KCNJ6: variants seen among roughly 807,000 people sequenced by gnomAD.
The protein encoded by KCNJ6 is potassium inwardly rectifying channel subfamily J member 6, also known as G protein-activated inward rectifier potassium channel 2.
In KCNJ6, 9 loss-of-function variants were observed where a neutral mutation model predicts 34.2. The observed-to-expected ratio is 0.26, with a 90% confidence interval of 0.16 to 0.46. The LOEUF is 0.46. Among genes scored for constraint, KCNJ6 ranks in the 20% least tolerant of loss-of-function variants. The probability of loss-of-function intolerance (pLI) is 1.00; values close to 1 mark genes in which losing one functional copy is unlikely to be tolerated. For synonymous variants in KCNJ6, 196 were observed against 207.1 expected, an observed-to-expected ratio of 0.95 and a Z score of 0.46; for missense variants, 236 against 531.3, an observed-to-expected ratio of 0.44 and a Z score of 5.46.
chr21:37,622,867 A>G lies in KCNJ6; in HGVS notation c.*2292T>C, dbSNP rs702858. On this transcript the variant is annotated 3_prime_UTR_variant, in exon 4 of 4. Transcript: ENST00000609713. ...GTCTTCAAGAGCTAAATTAGAAGAC[A>G]TTTTGCCGCCCCTATTCCATCTTGT... The G allele has an allele frequency of 0.72, 109,842 of 152,086 alleles. 40,047 individuals carry two copies. Among genetic ancestry groups the G allele is most frequent in the East Asian group, 0.87 (4,459 of 5,146 alleles). The allele number at this position is 152,086 out of a possible 1,614,324, so 9.4% of individuals were successfully genotyped here.
chr21:37,855,588 T>C (rs546483617), intron 1 of KCNJ6, among the ~76,000 whole-genome samples: 32 of 152,314 alleles, frequency 2.1e-4, no homozygotes, highest in Non-Finnish European at 3.2e-4. Context: ...GCTTTCCTTA[T>C]GAAATCAAAA....
chr21:37,856,065 G>A (rs1398332828), intron 1 of KCNJ6, among the ~76,000 whole-genome samples: 1 of 152,174 alleles, frequency 6.6e-6, no homozygotes, highest in Non-Finnish European at 1.5e-5. Flanking sequence ...CTGGGTGCTA[G>A]GGCAGATGGT....
intron 1 of KCNJ6, among the ~76,000 whole-genome samples, chr21:37,903,253 A>C (rs2055825218): frequency 6.6e-6 from 1 of 152,160 alleles, no homozygotes; most frequent in African/African-American, 2.4e-5. Flanking sequence ...GTTTCTCCCT[A>C]CTGTCTCATG....
chr21:37,868,653 G>A (rs1373741086), intron 1 of KCNJ6, among the ~76,000 whole-genome samples: 4 of 152,154 alleles, frequency 2.6e-5, no homozygotes, highest in Non-Finnish European at 4.4e-5. Flanking sequence ...TGTGTTAGTC[G>A]GAAAATCAGA....
intron 2 of KCNJ6, among the ~76,000 whole-genome samples, chr21:37,735,192 C>G (rs2054906585): frequency 6.6e-6 from 1 of 152,126 alleles, no homozygotes; most frequent in South Asian, 2.1e-4. Flanking sequence ...GACATATTAC[C>G]CAAACAGAGG....
chr21:37,822,544 A>T (rs1259797180), intron 2 of KCNJ6, among the ~76,000 whole-genome samples: 2 of 152,198 alleles, frequency 1.3e-5, no homozygotes, highest in African/African-American at 4.8e-5. Context: ...ATTATCTGTC[A>T]AAAGAAACGC....
At chr21:37,862,168 A>G (rs1453465970) in intron 1 of KCNJ6, among the ~76,000 whole-genome samples, 1 of 152,228 alleles carries the variant, frequency 6.6e-6, no homozygotes, top group Non-Finnish European at 1.5e-5. Flanking sequence ...AGCTGTGGAA[A>G]AGGGCTGTAT....
In KCNJ6 at chr21:37,714,851, C is replaced by T; in HGVS notation, c.306G>A (p.Val102=). 6.2e-7 allele frequency: 1 copy of T among 1,614,244 alleles called. No homozygotes were observed. The highest frequency in any genetic ancestry group is 8.5e-7 in the Non-Finnish European group (1 of 1,180,050). ...AGATCATTCCAAAAAAGAGCCAGGT[C>T]ACTGTGTAAACCATGACAAAAATCA... ...NLLIFVMVYT[V]TWLFFGMIWW... Residue 102 remains valine, a synonymous_variant, in exon 3 of 4, where the codon GTG becomes GTA. Transcript: ENST00000609713. The surrounding 1 kb of genome is among the most constrained non-coding windows in gnomAD (Gnocchi z 5.9).
chr21:37,857,948 G>T (rs2055573415), intron 1 of KCNJ6, among the ~76,000 whole-genome samples: 1 of 152,150 alleles, frequency 6.6e-6, no homozygotes, highest in South Asian at 2.1e-4. Flanking sequence ...AGTGTAATTT[G>T]AGAAGATAGA....
At chr21:37,857,818 T>G (rs1253172273) in intron 1 of KCNJ6, among the ~76,000 whole-genome samples, 1 of 152,030 alleles carries the variant, frequency 6.6e-6, no homozygotes, top group Admixed American at 6.5e-5. Flanking sequence ...AGGTGACTAG[T>G]AAATGGTAAA....
intron 1 of KCNJ6, among the ~76,000 whole-genome samples, chr21:37,865,762 C>T (rs2055619495): frequency 6.6e-6 from 1 of 152,180 alleles, no homozygotes; most frequent in African/African-American, 2.4e-5. Context: ...GACTTCAACA[C>T]CCCACTCTCA....
In KCNJ6 at chr21:37,795,862, T is replaced by G. The variant is rs2055239318; in HGVS notation, c.25+44796A>C. On this transcript the variant is annotated intron_variant, in intron 2 of 3. Transcript: ENST00000609713. Reference sequence around the variant, plus strand: ...AAGAATGTTTTTGAGGTGGTATTATTTTTATTATGCCCATCTTACAGATGA... The same window carrying G: ...AAGAATGTTTTTGAGGTGGTATTATGTTTATTATGCCCATCTTACAGATGA... Among the ~76,000 whole-genome samples, 3 of 152,156 alleles carry G rather than the reference T, an allele frequency of 2.0e-5. No homozygotes were observed. The South Asian group carries it at 6.2e-4, about 32-fold the overall frequency.
intron 3 of KCNJ6, among the ~76,000 whole-genome samples, chr21:37,664,339 A>G (rs1477504888): frequency 6.6e-6 from 1 of 152,162 alleles, no homozygotes; most frequent in Non-Finnish European, 1.5e-5. Flanking sequence ...TAAAGAGACA[A>G]TAAAGATGAC....
intron 3 of KCNJ6, among the ~76,000 whole-genome samples, chr21:37,674,705 G>A (rs960181954): frequency 2.0e-5 from 3 of 151,100 alleles, no homozygotes; most frequent in African/African-American, 7.3e-5. Flanking sequence ...TATACCTCAC[G>A]TACTTCACCC....
At chr21:37,763,518 G>A (rs2055076356) in intron 2 of KCNJ6, among the ~76,000 whole-genome samples, 1 of 152,148 alleles carries the variant, frequency 6.6e-6, no homozygotes, top group African/African-American at 2.4e-5. Context: ...TGTAGGGCCT[G>A]CTCCTGAGAC....
At chr21:37,669,886 A>G (rs2054534116) in intron 3 of KCNJ6, among the ~76,000 whole-genome samples, 1 of 152,160 alleles carries the variant, frequency 6.6e-6, no homozygotes, top group Non-Finnish European at 1.5e-5. Context: ...AGTTATATTT[A>G]TATTTTTCTT....
At chr21:37,788,036 T>A (rs1211021220) in intron 2 of KCNJ6, among the ~76,000 whole-genome samples, 1 of 152,212 alleles carries the variant, frequency 6.6e-6, no homozygotes, top group Non-Finnish European at 1.5e-5. Context: ...TTCAAGTACC[T>A]ATTGTGTGCA....
At chr21:37,829,427 G>A (rs1256761769) in intron 2 of KCNJ6, among the ~76,000 whole-genome samples, 1 of 152,220 alleles carries the variant, frequency 6.6e-6, no homozygotes, top group Non-Finnish European at 1.5e-5. Flanking sequence ...CTTTGGAGAG[G>A]TGCTTCTGCA....
rs537540218 is a variant in KCNJ6 at position 37,664,952 on chromosome 21, C to T, written c.947-39468G>A. Among the ~76,000 whole-genome samples, 49 of 152,100 alleles carry T rather than the reference C, an allele frequency of 3.2e-4. 1 individual carries two copies. Among genetic ancestry groups the T allele is most frequent in the South Asian group, 6.2e-4 (3 of 4,806 alleles). On this transcript the variant is annotated intron_variant, in intron 3 of 3. Transcript: ENST00000609713. ...CTGGAACTACAGGTGCCTGCCACCG[C>T]GCCCGGCTAATTTTTTGTATTTTTT...
Sources: gnomAD v4.1 joint callset for allele counts (sites outside exome capture counted in the v4.1 genomes callset) on GRCh38, gnomAD v4.1.1 for gene constraint, Gnocchi (gnomAD v3.1) non-coding constraint, MANE v1.5 for transcripts, NCBI Gene and HGNC (gene_info 2026-07-23, HGNC 2026-07-21) for gene names.